MSH3: variants seen among roughly 807,000 people sequenced by gnomAD.
MSH3 encodes mutS homolog 3, also known as DNA mismatch repair protein Msh3.
In MSH3, 106 loss-of-function variants were observed where a neutral mutation model predicts 123.3. That is an observed-to-expected ratio of 0.86 (90% confidence interval 0.73 to 1.01). The LOEUF (loss-of-function observed/expected upper bound fraction) is 1.01, where lower values mean the gene tolerates loss of function less well. MSH3 is among the 50% of genes least tolerant of loss of function. The pLI is 0.00. For missense variants in MSH3, 1,459 were observed against 1,347.6 expected, an observed-to-expected ratio of 1.08 and a Z score of -1.29; for synonymous variants, 515 against 481.4, an observed-to-expected ratio of 1.07 and a Z score of -0.91.
At chr5:80,737,081 T>A (rs1743522295) in intron 10 of MSH3, among the ~76,000 whole-genome samples, 1 of 152,220 alleles carries the variant, frequency 6.6e-6, no homozygotes, top group Admixed American at 6.5e-5. Flanking sequence ...AAGTTAGTCA[T>A]GTTGTTTAAT....
chr5:80,866,060 C>T (rs530919629), intron 22 of MSH3, among the ~76,000 whole-genome samples: 2 of 152,216 alleles, frequency 1.3e-5, no homozygotes, highest in Non-Finnish European at 2.9e-5. Flanking sequence ...GCCGCTAATA[C>T]GCATTTGATG....
chr5:80,699,912 G>A (rs1035054699), intron 8 of MSH3, among the ~76,000 whole-genome samples: 16 of 152,136 alleles, frequency 1.1e-4, no homozygotes, highest in African/African-American at 3.9e-4. Flanking sequence ...AACCTTTTCT[G>A]TTGTGGTATT....
At chr5:80,717,946 A>C (rs1465909049) in intron 8 of MSH3, among the ~76,000 whole-genome samples, 2 of 152,242 alleles carry the variant, frequency 1.3e-5, no homozygotes, top group Admixed American at 6.5e-5. Context: ...TTAAAGTAAA[A>C]AGTAAAAGTT....
chr5:80,873,323 T>C (rs371219854), intron 23 of MSH3, 36 bp downstream of exon 23: 2 of 1,607,826 alleles, frequency 1.2e-6, no homozygotes, highest in South Asian at 2.2e-5. Context: ...TCATTTGTAA[T>C]GAAACCTTCT....
At chr5:80,733,140 CAT>C (rs544580717) in intron 10 of MSH3, among the ~76,000 whole-genome samples, 12 of 152,092 alleles carry the variant, frequency 7.9e-5, no homozygotes, top group African/African-American at 1.9e-4. Context: ...TAAGCACAGA[CAT>C]GTGATCAATG....
chr5:80,791,938 TG>T (rs1744613390), intron 18 of MSH3, among the ~76,000 whole-genome samples: 1 of 152,122 alleles, frequency 6.6e-6, no homozygotes, highest in Non-Finnish European at 1.5e-5. Flanking sequence ...CAGCTAAAGC[TG>T]TAGATAAAAC....
chr5:80,660,228 A>G (rs1404801912), intron 2 of MSH3, among the ~76,000 whole-genome samples: 1 of 151,526 alleles, frequency 6.6e-6, no homozygotes, highest in Non-Finnish European at 1.5e-5. Context: ...GTTCTGGGAT[A>G]CATGTGTAGA....
At chr5:80,867,897 T>C (rs575790790) in intron 22 of MSH3, among the ~76,000 whole-genome samples, 2 of 152,328 alleles carry the variant, frequency 1.3e-5, no homozygotes, top group African/African-American at 4.8e-5. Context: ...TCATAGTTTC[T>C]TTTGCTGTGC....
At chr5:80,819,752 A>T (rs1745172197) in intron 20 of MSH3, among the ~76,000 whole-genome samples, 1 of 151,946 alleles carries the variant, frequency 6.6e-6, no homozygotes, top group Non-Finnish European at 1.5e-5. Flanking sequence ...CTCCCAAAGC[A>T]CTGGGATTAC....
At chr5:80,832,032 C>G (rs1158081318) in intron 20 of MSH3, among the ~76,000 whole-genome samples, 2 of 151,998 alleles carry the variant, frequency 1.3e-5, no homozygotes, top group African/African-American at 2.4e-5. Context: ...ATGGCGTGAA[C>G]CCGGGAGGCG....
chr5:80,816,168 T>G (rs1381934085), intron 20 of MSH3, among the ~76,000 whole-genome samples: 1 of 152,240 alleles, frequency 6.6e-6, no homozygotes, highest in Non-Finnish European at 1.5e-5. Context: ...CAGTTTTTGA[T>G]TTCATGAAAG....
chr5:80,731,389 A>G (rs1449339061), intron 10 of MSH3, among the ~76,000 whole-genome samples: 6 of 152,166 alleles, frequency 3.9e-5, no homozygotes, highest in Non-Finnish European at 7.4e-5. Context: ...TCTGCTAGTG[A>G]CTTAGTGTAT....
intron 12 of MSH3, chr5:80,746,613 G>A (rs1298673816): frequency 3.2e-5 from 11 of 346,828 alleles, no homozygotes; most frequent in Admixed American, 4.0e-5. Context: ...ATCATCCTCG[G>A]GAGGAGGACG....
chr5:80,700,731 C>T (rs1394125289), intron 8 of MSH3, among the ~76,000 whole-genome samples: 1 of 152,076 alleles, frequency 6.6e-6, no homozygotes, highest in Non-Finnish European at 1.5e-5. Context: ...CTTCTTTGTG[C>T]ATTTTCATCA....
At chr5:80,739,081 AAT>A (rs1380491024) in intron 10 of MSH3, among the ~76,000 whole-genome samples, 2 of 152,214 alleles carry the variant, frequency 1.3e-5, no homozygotes, top group Non-Finnish European at 2.9e-5. Flanking sequence ...TTATAACCCA[AAT>A]AAACAAAGAT....
At chr5:80,734,687 C>T (rs1258486243) in intron 10 of MSH3, among the ~76,000 whole-genome samples, 4 of 152,108 alleles carry the variant, frequency 2.6e-5, no homozygotes, top group Non-Finnish European at 5.9e-5. Flanking sequence ...GTAGTTATTT[C>T]CATGGTCCCA....
intron 20 of MSH3, among the ~76,000 whole-genome samples, chr5:80,847,711 C>T (rs973734439): frequency 5.9e-5 from 9 of 152,220 alleles, no homozygotes; most frequent in African/African-American, 2.2e-4. Flanking sequence ...TTCATGAAAC[C>T]TTCCCATATG....
At chr5:80,796,239 G>A (rs956766771) in intron 19 of MSH3, among the ~76,000 whole-genome samples, 5 of 151,486 alleles carry the variant, frequency 3.3e-5, no homozygotes, top group African/African-American at 9.7e-5. Context: ...CTTTCAAAAC[G>A]TATGTTACAC....
chr5:80,692,697 TAC>T, intron 8 of MSH3, among the ~76,000 whole-genome samples: 2 of 137,624 alleles, frequency 1.5e-5, no homozygotes, highest in African/African-American at 5.3e-5. Flanking sequence ...TAGATAAATA[TAC>T]ATACACATGT....
Sources: allele counts gnomAD v4.1 joint callset (sites outside exome capture counted in the v4.1 genomes callset), GRCh38; gene constraint gnomAD v4.1.1; transcripts MANE v1.5; gene names NCBI Gene and HGNC (gene_info 2026-07-23, HGNC 2026-07-21).